Variants in MAOA observed in about 807,000 individuals in gnomAD.
MAOA encodes the protein amine oxidase [flavin-containing] A.
MAOA carries 6 observed loss-of-function variants against 42.0 expected under a neutral mutation model. The ratio of observed to expected loss-of-function variants is 0.14; its 90% CI spans 0.08 to 0.28. The LOEUF (loss-of-function observed/expected upper bound fraction) is 0.28, where lower values mean the gene tolerates loss of function less well. Ranked by LOEUF, MAOA falls within the 10% of genes least tolerant of loss-of-function variation. The pLI is 1.00. For synonymous variants in MAOA, 140 were observed against 154.0 expected, an observed-to-expected ratio of 0.91 and a Z score of 0.67; for missense variants, 262 against 422.3, an observed-to-expected ratio of 0.62 and a Z score of 3.33.
rs1257494320 is a variant in MAOA at position 43,745,490 on chromosome X, C to G, written c.*977C>G. 3.6e-5 allele frequency: 4 copies of G among 112,170 alleles called. No individual in the cohort carries two copies. Among genetic ancestry groups the G allele is most frequent in the African/African-American group, 1.3e-4 (4 of 30,836 alleles). 9.2% of individuals were successfully genotyped at this position (112,170 alleles called of 1,213,427 possible). ...GACATACCTCTCAACTTACATATGT[C>G]TTCAACATGGTTACCTCTGCATAAA... On this transcript the variant is annotated 3_prime_UTR_variant, in exon 15 of 15. Transcript: ENST00000338702.
At chrX:43,666,143 T>C (rs1165452728) in intron 1 of MAOA, among the ~76,000 whole-genome samples, 2 of 112,263 alleles carry the variant, frequency 1.8e-5, no homozygotes, top group Admixed American at 1.9e-4. Context: ...CTTCTATTCA[T>C]TGCAACAAGC....
At chrX:43,684,536 CAAACAAAACA>C (rs751315529) in intron 2 of MAOA, among the ~76,000 whole-genome samples, 16 of 103,174 alleles carry the variant, frequency 1.6e-4, no homozygotes, top group South Asian at 8.6e-4. Flanking sequence ...AATATGAAGG[CAAACAAAACA>C]AAACAAAACA....
chrX:43,687,384 A>G (rs2033495727), intron 2 of MAOA, among the ~76,000 whole-genome samples: 1 of 112,269 alleles, frequency 8.9e-6, no homozygotes, highest in African/African-American at 3.2e-5. Context: ...AACTCCCAGG[A>G]GTCCCCTTGC....
chrX:43,657,945 A>T (rs1025443849), intron 1 of MAOA: 3 of 746,763 alleles, frequency 4.0e-6, no homozygotes, highest in Non-Finnish European at 4.7e-6. Context: ...TTGGAGCATC[A>T]GAGGAAAGCA....
chrX:43,712,769 A>G lies in MAOA; in HGVS notation c.476A>G (p.Glu159Gly). The G allele has an allele frequency of 8.3e-7, 1 of 1,208,307 alleles. No individual in the cohort carries two copies. The highest frequency in any genetic ancestry group is 1.1e-6 in the Non-Finnish European group (1 of 892,259). ...AAATGGGACAAAATGACCATGAAAGAGCTCATTGACAAAATCTGCTGGACA... is the reference window on the plus strand; with the variant it reads ...AAATGGGACAAAATGACCATGAAAGGGCTCATTGACAAAATCTGCTGGACA... ...ADKWDKMTMKELIDKICWTKT... is the reference protein window; with the variant it reads ...ADKWDKMTMKGLIDKICWTKT... Residue 159 changes from glutamate (E) to glycine (G), a missense_variant, in exon 5 of 15, where the codon GAG (glutamate) becomes GGG (glycine). Transcript: ENST00000338702.
In MAOA at chrX:43,744,531, C is replaced by T. The variant is rs998392938; in HGVS notation, c.*18C>T. 2 of 1,203,213 alleles carry T rather than the reference C, an allele frequency of 1.7e-6. No homozygotes were observed. The highest frequency in any genetic ancestry group is 2.2e-6 in the Non-Finnish European group (2 of 889,446). ...GGTCTTGAAGTTCTGTTCTTATGCT[C>T]TCTGCTCACTGGTTTTCAATACCAC... On this transcript the variant is annotated 3_prime_UTR_variant, in exon 15 of 15. Coordinates refer to ENST00000338702, the MANE Select transcript of MAOA (RefSeq NM_000240.4).
chrX:43,718,477 C>T (rs1437991741), intron 5 of MAOA, among the ~76,000 whole-genome samples: 1 of 109,061 alleles, frequency 9.2e-6, no homozygotes, highest in African/African-American at 3.4e-5. Context: ...TGCGGGGAAA[C>T]AGGGAAGCCT....
intron 5 of MAOA, among the ~76,000 whole-genome samples, chrX:43,727,898 C>T (rs777858426): frequency 7.1e-5 from 8 of 112,147 alleles, no homozygotes; most frequent in South Asian, 7.4e-4. Context: ...ACCTTCTGCG[C>T]GGATCTCACT....
At chrX:43,676,805 A>G (rs2033402197) in intron 1 of MAOA, among the ~76,000 whole-genome samples, 1 of 109,526 alleles carries the variant, frequency 9.1e-6, no homozygotes, top group Non-Finnish European at 1.9e-5. Context: ...GTGTAGTGCC[A>G]GGTAGTAATG....
chrX:43,704,676 G>T (rs959283301), intron 3 of MAOA, among the ~76,000 whole-genome samples: 7 of 110,774 alleles, frequency 6.3e-5, no homozygotes, highest in Non-Finnish European at 1.3e-4. Flanking sequence ...AAGAAAAATT[G>T]TATTTGCAGA....
chrX:43,669,581 G>T, intron 1 of MAOA, among the ~76,000 whole-genome samples: 1 of 109,944 alleles, frequency 9.1e-6, no homozygotes, highest in African/African-American at 3.3e-5. Context: ...TTTATGCCTC[G>T]TTTCACCCTT....
At position 43,656,369 on chromosome X, in the gene MAOA, G is replaced by A. The variant is rs1232710646; in HGVS notation, c.28G>A (p.Ala10Thr). 2 of 1,210,262 alleles carry A rather than the reference G, an allele frequency of 1.7e-6. No individual in the cohort carries two copies. Among genetic ancestry groups the A allele is most frequent in the African/African-American group, 1.7e-5 (1 of 57,317 alleles). Reference sequence around the variant, plus strand: ...GGAGAATCAAGAGAAGGCGAGTATCGCGGGCCACATGTTCGACGTAGTCGT... The same window carrying A: ...GGAGAATCAAGAGAAGGCGAGTATCACGGGCCACATGTTCGACGTAGTCGT... MENQEKASIAGHMFDVVVIG... is the reference protein window; with the variant it reads MENQEKASITGHMFDVVVIG... The change falls in exon 1 of 15, where the codon GCG (alanine) becomes ACG (threonine). Residue 10 changes from alanine (A) to threonine (T), a missense_variant. This residue lies in a region of MAOA where 141 missense variants were observed against 195.6 expected (regional missense o/e 0.72). Transcript: ENST00000338702.
rs184274286 is a variant in MAOA, at chrX:43,691,402, G to A, written c.169-1889G>A. 5.5e-5 allele frequency among the ~76,000 whole-genome samples: 6 copies of A among 109,842 alleles called. No homozygotes were observed. The East Asian group carries it at 1.7e-3, about 31-fold the overall frequency. On this transcript the variant is annotated intron_variant, in intron 2 of 14. Transcript: ENST00000338702. The stretch of plus-strand genomic sequence containing the variant: ...AAAAAAAAATAAAAATAAAAAAGAT[G>A]AAAATGAAGATATAATTACTGATGC...
At chrX:43,708,102 C>T (rs1256535905) in intron 3 of MAOA, among the ~76,000 whole-genome samples, 2 of 111,198 alleles carry the variant, frequency 1.8e-5, no homozygotes, top group Non-Finnish European at 3.8e-5. Context: ...TGTTTTGGGG[C>T]ACGGTTCCAG....
chrX:43,672,708 G>C (rs1210338486), intron 1 of MAOA, among the ~76,000 whole-genome samples: 1 of 111,465 alleles, frequency 9.0e-6, no homozygotes, highest in Non-Finnish European at 1.9e-5. Context: ...TAATCATGTG[G>C]TTTTTGTCTT....
chrX:43,695,039 C>A (rs1380901496), intron 3 of MAOA, among the ~76,000 whole-genome samples: 2 of 112,059 alleles, frequency 1.8e-5, no homozygotes, highest in Non-Finnish European at 1.9e-5. Flanking sequence ...GTTTGAGAAA[C>A]CAGAAGTTCA....
chrX:43,709,064 A>G (rs2147093019), intron 3 of MAOA, among the ~76,000 whole-genome samples: 1 of 110,698 alleles, frequency 9.0e-6, no homozygotes, highest in African/African-American at 3.3e-5. Flanking sequence ...GGGTTTTGCC[A>G]TGTTGGTCAG....
intron 1 of MAOA, among the ~76,000 whole-genome samples, chrX:43,679,140 G>C (rs183866365): frequency 5.4e-5 from 6 of 110,944 alleles, no homozygotes; most frequent in Non-Finnish European, 9.4e-5. Flanking sequence ...TCCTTGCTGT[G>C]ATAGGGCAAT....
chrX:43,722,988 A>G (rs932165012), intron 5 of MAOA, among the ~76,000 whole-genome samples: 11 of 111,359 alleles, frequency 9.9e-5, no homozygotes, highest in Non-Finnish European at 2.1e-4. Context: ...CAAAGATCAA[A>G]TGGTTGTAGA....
Sources: allele counts gnomAD v4.1 joint callset (sites outside exome capture counted in the v4.1 genomes callset), GRCh38; gene constraint gnomAD v4.1.1; regional missense constraint gnomAD v4.1.1; transcripts MANE v1.5; gene names NCBI Gene and HGNC (gene_info 2026-07-23, HGNC 2026-07-21).